Variants in CSMD1 observed in about 807,000 individuals in gnomAD.
CSMD1 encodes the protein CUB and sushi domain-containing protein 1.
In CSMD1, 213 loss-of-function variants were observed where a neutral mutation model predicts 417.5. That is an observed-to-expected ratio of 0.51 (90% CI 0.46 to 0.57). The LOEUF is 0.57. CSMD1 is among the 20% of genes least tolerant of loss of function. The pLI is 0.00. For synonymous variants in CSMD1, 2,862 were observed against 1,736.8 expected (o/e 1.65, Z -16.11); for missense variants, 6,923 against 4,529.7 (o/e 1.53, Z -15.17).
At chr8:3,631,050 C>G (rs911473793) in intron 7 of CSMD1, among the ~76,000 whole-genome samples, 1 of 152,238 alleles carries the variant, frequency 6.6e-6, no homozygotes, top group Non-Finnish European at 1.5e-5. Context: ...TTGCTCGTGC[C>G]GCTCCTTCCA....
intron 1 of CSMD1, among the ~76,000 whole-genome samples, chr8:4,702,418 T>G (rs1018442044): frequency 6.6e-5 from 10 of 152,158 alleles, no homozygotes; most frequent in Non-Finnish European, 1.5e-4. Context: ...AAAACAACCT[T>G]GAGTAAGATG....
At chr8:4,544,812 C>T (rs1476366099) in intron 2 of CSMD1, among the ~76,000 whole-genome samples, 1 of 152,158 alleles carries the variant, frequency 6.6e-6, no homozygotes, top group Non-Finnish European at 1.5e-5. Flanking sequence ...AATTAGCTAC[C>T]TGTAACACAT....
Position 4,773,786 on chromosome 8 carries a change from A to G in CSMD1, c.86-136228T>C, listed in dbSNP as rs1796713102. 3.3e-5 allele frequency among the ~76,000 whole-genome samples: 5 copies of G among 152,170 alleles called. No individual in the cohort carries two copies. In the South Asian group the frequency reaches 1.0e-3, roughly 32 times the overall value. On this transcript the variant is annotated intron_variant, in intron 1 of 69. Coordinates refer to ENST00000635120, the MANE Select transcript of CSMD1 (RefSeq NM_033225.6). ...ATTAAGGAAGCAATTAATATTATCA[A>G]TCTACATGCCATGTCATAAATTCCC...
intron 5 of CSMD1, among the ~76,000 whole-genome samples, chr8:3,934,975 C>A (rs1222925285): frequency 6.6e-6 from 1 of 151,902 alleles, no homozygotes; most frequent in Non-Finnish European, 1.5e-5. Flanking sequence ...ACCAGGCACC[C>A]AGATCTAAAC....
intron 10 of CSMD1, among the ~76,000 whole-genome samples, chr8:3,551,760 G>C (rs1018812334): frequency 9.9e-5 from 15 of 152,100 alleles, no homozygotes; most frequent in Admixed American, 9.2e-4. Context: ...TCCGTGACAA[G>C]CTGCGATAAT....
chr8:3,934,986 T>A (rs769387639), intron 5 of CSMD1, among the ~76,000 whole-genome samples: 1 of 152,184 alleles, frequency 6.6e-6, no homozygotes, highest in African/African-American at 2.4e-5. Context: ...AGATCTAAAC[T>A]CTGTAATACA....
At chr8:3,933,002 T>C (rs1314811791) in intron 5 of CSMD1, among the ~76,000 whole-genome samples, 2 of 149,384 alleles carry the variant, frequency 1.3e-5, no homozygotes, top group Non-Finnish European at 3.0e-5. Flanking sequence ...TTTAAATGTT[T>C]AACATTATAG....
chr8:4,005,489 C>A lies in CSMD1; in HGVS notation c.611-7379G>T, dbSNP rs188647809. ...GCCGACATGAACACTGAATTATCTC[C>A]AGTTTCAAATCATGTGGCGATACAC... On this transcript the variant is annotated intron_variant, in intron 4 of 69. Coordinates refer to ENST00000635120, the MANE Select transcript of CSMD1 (RefSeq NM_033225.6). Among the ~76,000 whole-genome samples, 154 of 152,250 alleles carry A rather than the reference C, an allele frequency of 1.0e-3. 2 individuals are homozygous for A. The highest frequency in any genetic ancestry group is 3.4e-3 in the African/African-American group (143 of 41,540).
intron 5 of CSMD1, among the ~76,000 whole-genome samples, chr8:3,842,535 G>A (rs1418354255): frequency 6.6e-6 from 1 of 152,062 alleles, no homozygotes; most frequent in East Asian, 1.9e-4. Context: ...GTAGATCTAG[G>A]TCAGAAATTG....
chr8:4,459,999 T>G (rs746531951), intron 2 of CSMD1, among the ~76,000 whole-genome samples: 6 of 151,996 alleles, frequency 3.9e-5, no homozygotes, highest in Non-Finnish European at 5.9e-5. Flanking sequence ...ACAACCAAAA[T>G]AGTACTATAA....
rs929328434 is a variant in CSMD1, at chr8:3,392,270, A to C, written c.2593+3924T>G. ...TAAAGTATAATAAAAAAATAAAATAAATAAAAATTGGATGACATTTTCACT... is the reference window on the plus strand; with the variant it reads ...TAAAGTATAATAAAAAAATAAAATACATAAAAATTGGATGACATTTTCACT... On this transcript the variant is annotated intron_variant, in intron 17 of 69. Coordinates refer to ENST00000635120, the MANE Select transcript of CSMD1 (RefSeq NM_033225.6). Among the ~76,000 whole-genome samples, 9 of 152,116 alleles carry C rather than the reference A, an allele frequency of 5.9e-5. 1 individual carries two copies. The highest frequency in any genetic ancestry group is 2.2e-4 in the African/African-American group (9 of 41,408).
At chr8:3,135,042 G>C (rs1817999804) in intron 41 of CSMD1, among the ~76,000 whole-genome samples, 1 of 152,048 alleles carries the variant, frequency 6.6e-6, no homozygotes, top group Non-Finnish European at 1.5e-5. Context: ...TCCCACCTCA[G>C]CCTCCCAAGT....
chr8:4,260,609 G>A (rs12677291), intron 3 of CSMD1, among the ~76,000 whole-genome samples: 14,471 of 152,096 alleles, frequency 0.095, 1,043 homozygotes, highest in East Asian at 0.39. Flanking sequence ...CATATTTGTG[G>A]TTTTTAGAAT....
chr8:4,020,957 T>A (rs1420147198), intron 4 of CSMD1, among the ~76,000 whole-genome samples: 2 of 152,258 alleles, frequency 1.3e-5, no homozygotes, highest in African/African-American at 2.4e-5. Context: ...TGACGTGGAC[T>A]TTGATATCTC....
Position 3,162,270 on chromosome 8 carries a change from A to C in CSMD1, c.5733T>G (p.Gly1911=), listed in dbSNP as rs1216682378. Residue 1911 remains glycine, a synonymous_variant, in exon 38 of 70, where the codon GGT becomes GGG. Coordinates refer to ENST00000635120, the MANE Select transcript of CSMD1 (RefSeq NM_033225.6). ...GGGCTGGTTCTTGGCATGCAGCAAG[A>C]CCTACAGCTAGAAATGCAAAGACAA... The part of the protein sequence containing the change: ...AGFHLEYKTV[G]LAACQEPALP... 6.3e-7 allele frequency: 1 copy of C among 1,599,786 alleles called. No homozygotes were observed. Among genetic ancestry groups the C allele is most frequent in the Non-Finnish European group, 8.5e-7 (1 of 1,170,768 alleles).
At chr8:4,426,296 A>G (rs1797549891) in intron 2 of CSMD1, among the ~76,000 whole-genome samples, 1 of 151,446 alleles carries the variant, frequency 6.6e-6, no homozygotes, top group African/African-American at 2.4e-5. Context: ...TTCATCCAAA[A>G]TTTGTTGTAG....
intron 4 of CSMD1, among the ~76,000 whole-genome samples, chr8:4,010,756 G>A (rs1410007296): frequency 1.3e-5 from 2 of 152,074 alleles, no homozygotes; most frequent in African/African-American, 4.8e-5. Context: ...TAGGGCTCAT[G>A]GCCTAATGCA....
At chr8:4,917,355 C>T (rs1806132351) in intron 1 of CSMD1, among the ~76,000 whole-genome samples, 2 of 152,208 alleles carry the variant, frequency 1.3e-5, no homozygotes, top group South Asian at 4.1e-4. Flanking sequence ...AGATTTGGGG[C>T]AGGGTGCGGC....
chr8:4,422,364 C>A (rs1436876563), intron 2 of CSMD1, among the ~76,000 whole-genome samples: 1 of 152,046 alleles, frequency 6.6e-6, no homozygotes, highest in African/African-American at 2.4e-5. Context: ...GCCCCAACCC[C>A]CAACATAACT....
Sources: gnomAD v4.1 joint callset for allele counts (sites outside exome capture counted in the v4.1 genomes callset) on GRCh38, gnomAD v4.1.1 for gene constraint, MANE v1.5 for transcripts, NCBI Gene and HGNC (gene_info 2026-07-23, HGNC 2026-07-21) for gene names.